The following PPME1 variants were observed in gnomAD, a reference collection of about 807,000 sequenced individuals.
The protein encoded by PPME1 is testicular secretory protein Li 39.
PPME1 carries 17 observed loss-of-function variants against 56.9 expected under a neutral mutation model. That is an observed-to-expected ratio of 0.30 (90% CI 0.20 to 0.45). PPME1 has a LOEUF of 0.45. Among genes scored for constraint, PPME1 ranks in the 20% least tolerant of loss-of-function variants. PPME1 has a pLI of 1.00. For synonymous variants in PPME1, 122 were observed against 156.2 expected, an observed-to-expected ratio of 0.78 and a Z score of 1.63; for missense variants, 357 against 483.2, an observed-to-expected ratio of 0.74 and a Z score of 2.45.
intron 7 of PPME1, among the ~76,000 whole-genome samples, chr11:74,235,007 A>C (rs1419443091): frequency 1.3e-5 from 2 of 152,156 alleles, no homozygotes; most frequent in East Asian, 3.9e-4. Context: ...AGTATTGGTG[A>C]ATTTGTGGAT....
intron 3 of PPME1, among the ~76,000 whole-genome samples, chr11:74,213,164 T>C (rs1858526594): frequency 6.6e-6 from 1 of 152,128 alleles, no homozygotes; most frequent in Non-Finnish European, 1.5e-5. Flanking sequence ...TGAAGAGCCC[T>C]TAGGCCATGA....
chr11:74,238,078 C>A (rs1859242071), intron 8 of PPME1: 2 of 152,164 alleles, frequency 1.3e-5, no homozygotes, highest in African/African-American at 4.8e-5. Flanking sequence ...ATAGCTGGAA[C>A]TTTCCTGCCC....
intron 1 of PPME1, among the ~76,000 whole-genome samples, chr11:74,187,322 T>C (rs1857711185): frequency 1.3e-5 from 2 of 152,188 alleles, no homozygotes; most frequent in Non-Finnish European, 2.9e-5. Flanking sequence ...AATCTATAGA[T>C]CAATTTGAGA....
intron 1 of PPME1, among the ~76,000 whole-genome samples, chr11:74,178,221 C>G (rs1043344834): frequency 8.5e-5 from 13 of 152,152 alleles, no homozygotes; most frequent in Non-Finnish European, 1.6e-4. Context: ...TCTATCTTAT[C>G]TTTACAAATA....
intron 1 of PPME1, among the ~76,000 whole-genome samples, chr11:74,194,884 G>C (rs914766921): frequency 6.6e-6 from 1 of 152,166 alleles, no homozygotes; most frequent in African/African-American, 2.4e-5. Flanking sequence ...TGGGATAAGG[G>C]ATTCAACACA....
chr11:74,222,470 T>C, intron 4 of PPME1, 101 bp downstream of exon 4: 1 of 1,033,150 alleles, frequency 9.7e-7, no homozygotes. Flanking sequence ...TAAAATAACC[T>C]GGTCTATTCC....
chr11:74,200,793 C>G (rs1256357737), intron 1 of PPME1, among the ~76,000 whole-genome samples: 1 of 151,984 alleles, frequency 6.6e-6, no homozygotes, highest in Non-Finnish European at 1.5e-5. Context: ...ATGGGAATTA[C>G]TCATTTGGTG....
chr11:74,222,430 T>C, intron 4 of PPME1, 61 bp downstream of exon 4: 1 of 1,388,120 alleles, frequency 7.2e-7, no homozygotes. Flanking sequence ...CTTTGAATAG[T>C]TGTAACTATT....
At chr11:74,185,755 T>C (rs1857664060) in intron 1 of PPME1, among the ~76,000 whole-genome samples, 1 of 152,144 alleles carries the variant, frequency 6.6e-6, no homozygotes. Context: ...AAATTTATTT[T>C]CTAATTTAGG....
chr11:74,217,561 AAAG>A (rs1858685336), intron 3 of PPME1, among the ~76,000 whole-genome samples: 1 of 151,486 alleles, frequency 6.6e-6, no homozygotes, highest in Non-Finnish European at 1.5e-5. Flanking sequence ...AAAAAAAAAA[AAAG>A]GAAAAAGATT....
intron 1 of PPME1, among the ~76,000 whole-genome samples, chr11:74,185,022 C>T (rs1372962789): frequency 9.9e-6 from 1 of 100,506 alleles, no homozygotes; most frequent in Non-Finnish European, 1.9e-5. Flanking sequence ...TTTTTTGAGA[C>T]AGAGTCTCAC....
chr11:74,247,591 C>G (rs1433369000), intron 11 of PPME1: 1 of 150,684 alleles, frequency 6.6e-6, no homozygotes, highest in African/African-American at 2.5e-5. Flanking sequence ...CAGGTTGAAG[C>G]AGTTCCGGGC....
intron 7 of PPME1, 78 bp downstream of exon 7, chr11:74,231,080 C>A: frequency 1.6e-6 from 2 of 1,221,246 alleles, no homozygotes; most frequent in Non-Finnish European, 2.3e-6. Context: ...ATTTAGGAGA[C>A]AAGGCCTCAC....
intron 3 of PPME1, among the ~76,000 whole-genome samples, chr11:74,220,970 A>T (rs1160419118): frequency 6.6e-6 from 1 of 152,170 alleles, no homozygotes. Flanking sequence ...TAGAATGTAG[A>T]TATCATGAGA....
intron 3 of PPME1, among the ~76,000 whole-genome samples, chr11:74,216,268 C>A (rs1398103481): frequency 6.6e-6 from 1 of 152,022 alleles, no homozygotes; most frequent in African/African-American, 2.4e-5. Flanking sequence ...GGATAACATT[C>A]AAAAAACTGA....
chr11:74,180,602 C>A (rs997152407), intron 1 of PPME1, among the ~76,000 whole-genome samples: 12 of 152,080 alleles, frequency 7.9e-5, no homozygotes, highest in African/African-American at 2.7e-4. Flanking sequence ...ATTATATGGT[C>A]GAAACTCTTG....
At position 74,250,905 on chromosome 11, in the gene PPME1, A is replaced by G. The variant is rs1171639182; in HGVS notation, c.1010-49A>G. ...GGAATGACCTATGAGGCTGCATAAGAGAGGGCTCTTTTAGTCGCTGAAGTT... is the reference window on the plus strand; with the variant it reads ...GGAATGACCTATGAGGCTGCATAAGGGAGGGCTCTTTTAGTCGCTGAAGTT... On this transcript the variant is annotated intron_variant, in intron 11 of 13. Coordinates refer to ENST00000328257, the MANE Select transcript of PPME1 (RefSeq NM_016147.3). 4.7e-6 allele frequency: 7 copies of G among 1,487,586 alleles called. No homozygotes were observed. The East Asian group carries it at 1.2e-4, about 26-fold the overall frequency. The allele number at this position is 1,487,586 out of a possible 1,614,324, so 92.1% of individuals were successfully genotyped here.
chr11:74,234,371 A>G (rs948826957), intron 7 of PPME1, among the ~76,000 whole-genome samples: 1 of 152,264 alleles, frequency 6.6e-6, no homozygotes, highest in Non-Finnish European at 1.5e-5. Context: ...GTAAAGACCT[A>G]GGAACTTGAT....
At chr11:74,223,268 G>A (rs923780708) in intron 4 of PPME1, among the ~76,000 whole-genome samples, 44 of 151,628 alleles carry the variant, frequency 2.9e-4, no homozygotes, top group Admixed American at 1.8e-3. Flanking sequence ...CAAAGGACAT[G>A]AACTCATCAT....
Sources: allele counts gnomAD v4.1 joint callset (sites outside exome capture counted in the v4.1 genomes callset), GRCh38; gene constraint gnomAD v4.1.1; transcripts MANE v1.5; gene names NCBI Gene and HGNC (gene_info 2026-07-23, HGNC 2026-07-21).